Variants in ARHGAP15 observed in about 807,000 individuals in gnomAD.
ARHGAP15 encodes the protein Rho GTPase activating protein 15, also known as rho GTPase-activating protein 15.
ARHGAP15 carries 51 observed loss-of-function variants against 63.7 expected under a neutral mutation model. That is an observed-to-expected ratio of 0.80 (90% CI 0.64 to 1.01). The LOEUF (loss-of-function observed/expected upper bound fraction) is 1.01. Among genes scored for constraint, ARHGAP15 ranks in the 50% least tolerant of loss-of-function variants. ARHGAP15 has a pLI of 0.00. For synonymous variants in ARHGAP15, 191 were observed against 193.8 expected (o/e 0.99, Z 0.12); for missense variants, 560 against 564.6 (o/e 0.99, Z 0.08).
intron 13 of ARHGAP15, among the ~76,000 whole-genome samples, chr2:143,710,002 G>A (rs946263211): frequency 1.3e-5 from 2 of 152,114 alleles, no homozygotes; most frequent in Non-Finnish European, 2.9e-5. Flanking sequence ...AGCACGTTAT[G>A]TTTTTCTGTG....
chr2:143,638,729 C>T (rs1574750365), intron 12 of ARHGAP15, among the ~76,000 whole-genome samples: 1 of 128,516 alleles, frequency 7.8e-6, no homozygotes, highest in Non-Finnish European at 1.7e-5. Flanking sequence ...TCCAAATTTA[C>T]AAAGTGAAGT....
chr2:143,508,150 T>A (rs1372120659), intron 9 of ARHGAP15, among the ~76,000 whole-genome samples: 1 of 152,132 alleles, frequency 6.6e-6, no homozygotes, highest in Non-Finnish European at 1.5e-5. Flanking sequence ...ACATTTTATG[T>A]TTTTTCCTCA....
chr2:143,527,493 A>G (rs2105005859), intron 10 of ARHGAP15, among the ~76,000 whole-genome samples: 1 of 151,870 alleles, frequency 6.6e-6, no homozygotes, highest in South Asian at 2.1e-4. Context: ...AAAAAAATGG[A>G]AAAAATCAAG....
intron 11 of ARHGAP15, among the ~76,000 whole-genome samples, chr2:143,560,680 T>C (rs1261488565): frequency 6.6e-6 from 1 of 152,264 alleles, no homozygotes; most frequent in African/African-American, 2.4e-5. Context: ...CGTTGGAGTT[T>C]TGCTAAAATT....
intron 6 of ARHGAP15, among the ~76,000 whole-genome samples, chr2:143,335,706 G>A (rs1684742422): frequency 2.0e-5 from 3 of 152,184 alleles, no homozygotes; most frequent in Admixed American, 1.3e-4. Flanking sequence ...AGACAAAAAA[G>A]CAAGTCTCTC....
chr2:143,627,250 A>G (rs557711109), intron 12 of ARHGAP15, among the ~76,000 whole-genome samples: 13 of 152,300 alleles, frequency 8.5e-5, no homozygotes, highest in African/African-American at 2.9e-4. Context: ...GAATAGTAGA[A>G]TGTCATTATT....
intron 6 of ARHGAP15, among the ~76,000 whole-genome samples, chr2:143,258,140 A>C (rs1680517607): frequency 1.3e-5 from 2 of 152,112 alleles, no homozygotes; most frequent in Non-Finnish European, 2.9e-5. Flanking sequence ...GGATGAAATA[A>C]AATTGAGTGC....
chr2:143,757,166 CCAAT>C (rs1686607240), intron 13 of ARHGAP15, among the ~76,000 whole-genome samples: 1 of 151,950 alleles, frequency 6.6e-6, no homozygotes, highest in South Asian at 2.1e-4. Flanking sequence ...GAGAAATATC[CCAAT>C]ATACAGTAAA....
chr2:143,411,174 C>T (rs1031672370), intron 6 of ARHGAP15, among the ~76,000 whole-genome samples: 4 of 152,070 alleles, frequency 2.6e-5, no homozygotes, highest in African/African-American at 9.7e-5. Flanking sequence ...CACTGCACTC[C>T]AGCCTGGGCG....
chr2:143,680,931 C>T (rs1476919174), intron 12 of ARHGAP15, among the ~76,000 whole-genome samples: 1 of 152,192 alleles, frequency 6.6e-6, no homozygotes, highest in Non-Finnish European at 1.5e-5. Flanking sequence ...ATCCTATTCT[C>T]TGAAATCTTA....
At chr2:143,733,700 A>G (rs955645297) in intron 13 of ARHGAP15, among the ~76,000 whole-genome samples, 7 of 152,156 alleles carry the variant, frequency 4.6e-5, no homozygotes, top group Non-Finnish European at 7.4e-5. Context: ...AAAAGAATTC[A>G]TTTGCATTTC....
intron 5 of ARHGAP15, among the ~76,000 whole-genome samples, chr2:143,249,139 C>A (rs1024463722): frequency 6.6e-6 from 1 of 152,142 alleles, no homozygotes; most frequent in East Asian, 1.9e-4. Flanking sequence ...TGATCAAAAT[C>A]TCTTTAAGGA....
At chr2:143,558,606 A>G (rs1695902140) in intron 11 of ARHGAP15, among the ~76,000 whole-genome samples, 1 of 152,200 alleles carries the variant, frequency 6.6e-6, no homozygotes, top group Non-Finnish European at 1.5e-5. Flanking sequence ...CTCTTTCACA[A>G]ATCTCTAAAA....
intron 1 of ARHGAP15, among the ~76,000 whole-genome samples, chr2:143,153,825 T>A (rs768621513): frequency 1.2e-5 from 1 of 80,092 alleles, no homozygotes; most frequent in African/African-American, 4.4e-5. Context: ...CTTCTTCTTC[T>A]TCTTCTTCTT....
intron 11 of ARHGAP15, among the ~76,000 whole-genome samples, chr2:143,585,139 A>G (rs1697062619): frequency 6.6e-6 from 1 of 152,170 alleles, no homozygotes; most frequent in Admixed American, 6.5e-5. Flanking sequence ...GATGTCTAAA[A>G]CTAAAAGAAT....
At chr2:143,180,814 C>T (rs1691206042) in intron 2 of ARHGAP15, among the ~76,000 whole-genome samples, 1 of 151,996 alleles carries the variant, frequency 6.6e-6, no homozygotes, top group Admixed American at 6.6e-5. Flanking sequence ...GCTGGGACTA[C>T]AGGCGCCCAC....
chr2:143,317,957 C>T (rs1683797381), intron 6 of ARHGAP15, among the ~76,000 whole-genome samples: 1 of 151,918 alleles, frequency 6.6e-6, no homozygotes, highest in African/African-American at 2.4e-5. Context: ...TTTTTGCTAT[C>T]AACACCTTCA....
At chr2:143,628,030 C>A (rs1381412455) in intron 12 of ARHGAP15, among the ~76,000 whole-genome samples, 2 of 152,056 alleles carry the variant, frequency 1.3e-5, no homozygotes, top group Admixed American at 6.6e-5. Context: ...ATCTTTATGT[C>A]CATGTGTACC....
At chr2:143,199,064 G>A (rs1692001141) in intron 2 of ARHGAP15, among the ~76,000 whole-genome samples, 1 of 152,060 alleles carries the variant, frequency 6.6e-6, no homozygotes, top group Non-Finnish European at 1.5e-5. Context: ...TAAATGTATA[G>A]CAAGATAAAA....
Sources: gnomAD v4.1 joint callset for allele counts (sites outside exome capture counted in the v4.1 genomes callset) on GRCh38, gnomAD v4.1.1 for gene constraint, MANE v1.5 for transcripts, NCBI Gene and HGNC (gene_info 2026-07-23, HGNC 2026-07-21) for gene names.